The following CCM2L variants were observed in gnomAD, a reference collection of about 807,000 sequenced individuals.
CCM2L encodes the protein cerebral cavernous malformations 2 protein-like.
CCM2L carries 36 observed loss-of-function variants against 54.1 expected under a neutral mutation model. That is an observed-to-expected ratio of 0.67 (90% CI 0.51 to 0.88). CCM2L has a LOEUF of 0.88. Ranked by LOEUF, CCM2L falls within the 40% of genes least tolerant of loss-of-function variation. CCM2L has a pLI of 0.00. For synonymous variants in CCM2L, 351 were observed against 359.3 expected (o/e 0.98, Z 0.26); for missense variants, 700 against 812.1 (o/e 0.86, Z 1.68).
At chr20:32,028,892 G>C (rs1423898643) in intron 7 of CCM2L, 103 bp from the exon 8 acceptor site, 3 of 1,463,624 alleles carry the variant, frequency 2.0e-6, no homozygotes, top group African/African-American at 1.4e-5. Context: ...GCGAGGCCTT[G>C]GAGGCCAGCA....
In CCM2L at chr20:32,019,301, C is replaced by A; in HGVS notation, c.825C>A (p.Gly275=). The change falls in exon 5 of 10, where the codon GGC becomes GGA. Residue 275 remains glycine (G), a synonymous_variant. Coordinates refer to ENST00000452892, the MANE Select transcript of CCM2L (RefSeq NM_001365692.1). ...GSWERRQAGS[G]GGGSWERRHP... is the part of the protein sequence containing the mutation. The stretch of plus-strand genomic sequence containing the variant: ...GGGAGCGGAGGCAGGCGGGCAGCGG[C>A]GGGGGAGGCAGCTGGGAGCGGCGCC... The A allele has an allele frequency of 7.7e-7, 1 of 1,292,638 alleles. No homozygotes were observed. Among genetic ancestry groups the A allele is most frequent in the Non-Finnish European group, 9.8e-7 (1 of 1,020,796 alleles). The allele number at this position is 1,292,638 out of a possible 1,614,324, so 80.1% of individuals were successfully genotyped here.
intron 7 of CCM2L, chr20:32,028,574 A>G (rs548186636): frequency 2.9e-4 from 53 of 180,534 alleles, no homozygotes; most frequent in Non-Finnish European, 4.7e-5. Context: ...AAGGCCATGC[A>G]TGTCACAGGT....
chr20:32,029,910 A>G, intron 9 of CCM2L, 72 bp downstream of exon 9: 1 of 1,442,964 alleles, frequency 6.9e-7, no homozygotes, highest in African/African-American at 1.5e-5. Context: ...GTCAGGCACC[A>G]GGCTGCAAAT....
At chr20:32,025,996 G>A (rs1300788931) in intron 7 of CCM2L, 77 bp downstream of exon 7, 2 of 1,122,782 alleles carry the variant, frequency 1.8e-6, no homozygotes, top group African/African-American at 3.2e-5. Context: ...GAGGGTAGGA[G>A]AAGGTGACCC....
intron 2 of CCM2L, among the ~76,000 whole-genome samples, chr20:32,017,415 A>T (rs905331050): frequency 6.6e-6 from 1 of 152,170 alleles, no homozygotes; most frequent in Non-Finnish European, 1.5e-5. Context: ...AAGCTGTTAT[A>T]ATAACTTTTG....
At chr20:32,026,627 A>G (rs2064863185) in intron 7 of CCM2L, among the ~76,000 whole-genome samples, 1 of 152,196 alleles carries the variant, frequency 6.6e-6, no homozygotes, top group African/African-American at 2.4e-5. Context: ...TGTAATCCCA[A>G]CAGTTTGGGA....
In CCM2L at chr20:32,029,118, G is replaced by A. The variant is rs777047949; in HGVS notation, c.1257G>A (p.Met419Ile). ...GCTTGGAGCAGTTACAGGATTACAT[G>A]GTCACGGTGAGCTGGGGCCGGTGGT... is the stretch of plus-strand genomic sequence containing the variant. Reference protein sequence around the residue: ...SLGLEQLQDYMVTLRSKLGPL... With the variant: ...SLGLEQLQDYIVTLRSKLGPL... The change falls in exon 8 of 10, where the codon ATG becomes ATA. Residue 419 changes from methionine to isoleucine, a missense_variant. By Grantham distance (10) the Met-to-Ile change is conservative. Coordinates refer to ENST00000452892, the MANE Select transcript of CCM2L (RefSeq NM_001365692.1). The A allele has an allele frequency of 6.2e-7, 1 of 1,614,064 alleles. No individual in the cohort carries two copies. Among genetic ancestry groups the A allele is most frequent in the Middle Eastern group, 1.6e-4 (1 of 6,082 alleles).
rs552420785 is a variant in CCM2L at position 32,029,158 on chromosome 20, C to T, written c.1263+34C>T. ...GGGCCGGTGGTGGGAATGGCACAAG[C>T]AAAAGCCTGGAGGCTGGAGTAAACA... is the stretch of plus-strand genomic sequence containing the variant. On this transcript the variant is annotated intron_variant, in intron 8 of 9. Coordinates refer to ENST00000452892, the MANE Select transcript of CCM2L (RefSeq NM_001365692.1). 21 of 1,613,914 alleles carry T rather than the reference C, an allele frequency of 1.3e-5. No individual in the cohort carries two copies. In the South Asian group the frequency reaches 2.2e-4, roughly 17 times the overall value.
intron 9 of CCM2L, among the ~76,000 whole-genome samples, chr20:32,030,786 A>G (rs552700066): frequency 6.6e-6 from 1 of 151,562 alleles, no homozygotes; most frequent in South Asian, 2.1e-4. Context: ...AATAATAATA[A>G]TAAAAGTACA....
chr20:32,015,129 C>T, intron 2 of CCM2L, 58 bp downstream of exon 2: 1 of 1,414,888 alleles, frequency 7.1e-7, no homozygotes, highest in South Asian at 1.5e-5. Flanking sequence ...CTTCACTTCT[C>T]CTTGACACCA....
chr20:32,014,618 C>A (rs1568909305), intron 1 of CCM2L, among the ~76,000 whole-genome samples: 1 of 152,248 alleles, frequency 6.6e-6, no homozygotes, highest in Non-Finnish European at 1.5e-5. Context: ...ATTCCTCAAA[C>A]CTGTTTGGCA....
At chr20:32,013,427 AGTGGGGGG>A (rs1265571488) in intron 1 of CCM2L, among the ~76,000 whole-genome samples, 2 of 151,840 alleles carry the variant, frequency 1.3e-5, no homozygotes, top group Admixed American at 6.6e-5. Context: ...GTGTGTGTGG[AGTGGGGGG>A]GTGGGGGTTG....
At position 32,010,496 on chromosome 20, in the gene CCM2L, G is replaced by A; in HGVS notation, c.30+12G>A. 8 of 1,501,048 alleles carry A rather than the reference G, an allele frequency of 5.3e-6. No homozygotes were observed. The highest frequency in any genetic ancestry group is 7.2e-6 in the Non-Finnish European group (8 of 1,116,124). 93.0% of individuals were successfully genotyped at this position (1,501,048 alleles called of 1,614,324 possible). A position where few individuals can be genotyped will look rare whatever the true frequency, so the allele number is the denominator to read the frequency against. On this transcript the variant is annotated intron_variant, in intron 1 of 9. Transcript: ENST00000452892. ...AGAAAGGGAAGAAGGTAGGTGGGAGGTTGGGAGGGACGAAGGGAGAGGAAT... is the reference window on the plus strand; with the variant it reads ...AGAAAGGGAAGAAGGTAGGTGGGAGATTGGGAGGGACGAAGGGAGAGGAAT...
At chr20:32,011,466 A>G (rs2064695145) in intron 1 of CCM2L, among the ~76,000 whole-genome samples, 1 of 152,074 alleles carries the variant, frequency 6.6e-6, no homozygotes, top group African/African-American at 2.4e-5. Context: ...TTAACTGGGC[A>G]TGGTGGCACA....
chr20:32,015,011 CCCCGA>C lies in CCM2L; in HGVS notation c.140_144del (p.Pro47LeufsTer11), dbSNP rs2064729521. 6.4e-7 allele frequency: 1 copy of C among 1,572,242 alleles called. No homozygotes were observed. Among genetic ancestry groups the C allele is most frequent in the African/African-American group, 1.4e-5 (1 of 71,936 alleles). On this transcript the variant is annotated frameshift_variant, in exon 2 of 10. Coordinates refer to ENST00000452892, the MANE Select transcript of CCM2L (RefSeq NM_001365692.1). LOFTEE classifies it high-confidence loss of function. ...CCCTGCACTCGATGCCCCTTTATCC[CCCCGA>C]CTACCTCATCGACCCCCAGATTCTG...
In CCM2L at chr20:32,022,641, C is replaced by T. The variant is rs763422695; in HGVS notation, c.934-19C>T. 1.2e-6 allele frequency: 2 copies of T among 1,613,204 alleles called. No homozygotes were observed. The highest frequency in any genetic ancestry group is 3.3e-5 in the Admixed American group (2 of 59,908). The stretch of plus-strand genomic sequence containing the variant: ...TCATTGGTGAGGACCTGAGCTCTCT[C>T]TCCTCCTCCCTGGGCCAGGACGCTG... On this transcript the variant is annotated intron_variant, in intron 5 of 9. Transcript: ENST00000452892.
chr20:32,030,373 T>G (rs1254416980), intron 9 of CCM2L, among the ~76,000 whole-genome samples: 1 of 152,046 alleles, frequency 6.6e-6, no homozygotes, highest in Non-Finnish European at 1.5e-5. Flanking sequence ...AGCTAGTAAG[T>G]AGGAATGGAA....
At chr20:32,013,979 G>A (rs1297116318) in intron 1 of CCM2L, among the ~76,000 whole-genome samples, 14 of 152,130 alleles carry the variant, frequency 9.2e-5, no homozygotes, top group Non-Finnish European at 1.9e-4. Context: ...GAGAAATGCT[G>A]TTCTAGATGG....
intron 6 of CCM2L, among the ~76,000 whole-genome samples, chr20:32,025,252 CTTTTCTTTTCT>C (rs1045698648): frequency 2.3e-4 from 20 of 85,842 alleles, no homozygotes; most frequent in South Asian, 6.9e-4. Flanking sequence ...CTTTCTTTTT[CTTTTCTTTTCT>C]TTTTCTTTTC....
Sources: gnomAD v4.1 joint callset for allele counts (sites outside exome capture counted in the v4.1 genomes callset) on GRCh38, gnomAD v4.1.1 for gene constraint, MANE v1.5 for transcripts, NCBI Gene and HGNC (gene_info 2026-07-23, HGNC 2026-07-21) for gene names.